PTK7: variants seen among roughly 807,000 people sequenced by gnomAD.
PTK7 encodes inactive tyrosine-protein kinase 7.
PTK7 carries 39 observed loss-of-function variants against 116.6 expected under a neutral mutation model. That is an observed-to-expected ratio of 0.33 (90% CI 0.26 to 0.44). The LOEUF (loss-of-function observed/expected upper bound fraction) is 0.44, where lower values mean the gene tolerates loss of function less well. Ranked by LOEUF, PTK7 falls within the 20% of genes least tolerant of loss-of-function variation. PTK7 has a pLI of 1.00. For synonymous variants in PTK7, 546 were observed against 563.6 expected (o/e 0.97, Z 0.44); for missense variants, 1,169 against 1,425.6 (o/e 0.82, Z 2.90).
intron 1 of PTK7, among the ~76,000 whole-genome samples, chr6:43,120,100 T>C (rs1412838015): frequency 6.6e-6 from 1 of 152,108 alleles, no homozygotes; most frequent in Non-Finnish European, 1.5e-5. Context: ...CTAAAATTGG[T>C]TTCAAGGCTA....
chr6:43,120,497 TG>T (rs1193241631), intron 1 of PTK7, among the ~76,000 whole-genome samples: 2 of 152,244 alleles, frequency 1.3e-5, no homozygotes, highest in Admixed American at 6.5e-5. Flanking sequence ...ATCAGAATGA[TG>T]CTGGATCCCT....
In PTK7 at chr6:43,145,105, G is replaced by A; in HGVS notation, c.2408-95G>A. ...GTCTCGTGCCCAGCCCAGGTGGGTG[G>A]GTCCCCACTGTGGGAGAGGCTAGGC... On this transcript the variant is annotated intron_variant, in intron 15 of 19. Coordinates refer to ENST00000230419, the MANE Select transcript of PTK7 (RefSeq NM_002821.5). The surrounding 1 kb of genome is among the most constrained non-coding windows in gnomAD (Gnocchi z 4.8). 1.7e-6 allele frequency: 2 copies of A among 1,160,174 alleles called. No homozygotes were observed. The highest frequency in any genetic ancestry group is 2.4e-5 in the East Asian group (1 of 41,894). The allele number at this position is 1,160,174 out of a possible 1,614,324, so 71.9% of individuals were successfully genotyped here.
chr6:43,122,775 T>G (rs1769039968), intron 1 of PTK7, among the ~76,000 whole-genome samples: 1 of 151,940 alleles, frequency 6.6e-6, no homozygotes, highest in South Asian at 2.1e-4. Flanking sequence ...CCCAGCTAAT[T>G]TTTGTATTTT....
chr6:43,138,752 T>G lies in PTK7; in HGVS notation c.1229-97T>G, dbSNP rs1259155825. 2.0e-6 allele frequency: 3 copies of G among 1,476,302 alleles called. No homozygotes were observed. In the East Asian group the frequency reaches 6.9e-5, roughly 34 times the overall value. The allele number at this position is 1,476,302 out of a possible 1,614,324, so 91.5% of individuals were successfully genotyped here. A position where few individuals can be genotyped will look rare whatever the true frequency, so the allele number is the denominator to read the frequency against. On this transcript the variant is annotated intron_variant, in intron 7 of 19. Coordinates refer to ENST00000230419, the MANE Select transcript of PTK7 (RefSeq NM_002821.5). Reference sequence around the variant, plus strand: ...TCTGAGGAGCATGGGGCTTCTGAACTCAGGGCCTAGAATGGTAGTAGGATT... The same window carrying G: ...TCTGAGGAGCATGGGGCTTCTGAACGCAGGGCCTAGAATGGTAGTAGGATT...
At position 43,138,949 on chromosome 6, in the gene PTK7, T is replaced by C. The variant is rs770261822; in HGVS notation, c.1329T>C (p.Val443=). ...CLTQATPKPT[V]VWYRNQMLIS... is the part of the protein sequence containing the mutation. ...CCCAGGCCACACCAAAACCTACAGTTGTCTGGTACAGAAACCAGATGCTCA... is the reference window on the plus strand; with the variant it reads ...CCCAGGCCACACCAAAACCTACAGTCGTCTGGTACAGAAACCAGATGCTCA... Residue 443 remains valine, a synonymous_variant, in exon 8 of 20, where the codon GTT becomes GTC. Coordinates refer to ENST00000230419, the MANE Select transcript of PTK7 (RefSeq NM_002821.5). 12 of 1,613,982 alleles carry C rather than the reference T, an allele frequency of 7.4e-6. No homozygotes were observed. The African/African-American group carries it at 1.5e-4, about 20-fold the overall frequency.
Position 43,142,345 on chromosome 6 carries a change from G to C in PTK7, c.2047+46G>C, listed in dbSNP as rs368638394. The C allele has an allele frequency of 5.0e-6, 8 of 1,613,126 alleles. No individual in the cohort carries two copies. In the African/African-American group the frequency reaches 1.1e-4, roughly 22 times the overall value. On this transcript the variant is annotated intron_variant, in intron 13 of 19. Coordinates refer to ENST00000230419, the MANE Select transcript of PTK7 (RefSeq NM_002821.5). ...TGCTGCACAGGAAGTGGTGGGCCCA[G>C]ACGTTTGTCACCTTGTACTCAGCCC...
At chr6:43,109,280 A>T (rs113452262) in intron 1 of PTK7, among the ~76,000 whole-genome samples, 1 of 152,084 alleles carries the variant, frequency 6.6e-6, no homozygotes, top group African/African-American at 2.4e-5. Context: ...GGCTCAAGCA[A>T]TCCTCCCACC....
At position 43,143,697 on chromosome 6, in the gene PTK7, G is replaced by A. The variant is rs1332206931; in HGVS notation, c.2251+77G>A. 5.4e-6 allele frequency: 8 copies of A among 1,475,152 alleles called. No homozygotes were observed. Among genetic ancestry groups the A allele is most frequent in the East Asian group, 4.8e-5 (2 of 41,350 alleles). 91.4% of individuals were successfully genotyped at this position (1,475,152 alleles called of 1,614,324 possible). ...CTCCCGCGGCCACGGAGGGGAGAGCGCCAGCACTCTGGAAACCGAGCGGCT... is the reference window on the plus strand; with the variant it reads ...CTCCCGCGGCCACGGAGGGGAGAGCACCAGCACTCTGGAAACCGAGCGGCT... On this transcript the variant is annotated intron_variant, in intron 14 of 19. Coordinates refer to ENST00000230419, the MANE Select transcript of PTK7 (RefSeq NM_002821.5). This position sits in a 1 kb window ranked among gnomAD's most constrained non-coding sequence, Gnocchi z 4.2.
At chr6:43,144,986 A>C in intron 15 of PTK7, 1 of 448,828 alleles carries the variant, frequency 2.2e-6, no homozygotes, top group East Asian at 3.3e-5. Flanking sequence ...CATGCGAGTC[A>C]CCCTTTGGAA....
intron 1 of PTK7, among the ~76,000 whole-genome samples, chr6:43,102,200 G>A (rs138100481): frequency 1.6e-4 from 24 of 150,730 alleles, no homozygotes; most frequent in African/African-American, 4.9e-4. Context: ...CGAGGTGGGC[G>A]GATCACCTGA....
intron 1 of PTK7, among the ~76,000 whole-genome samples, chr6:43,112,324 A>C (rs994684674): frequency 4.0e-5 from 6 of 151,822 alleles, no homozygotes; most frequent in African/African-American, 1.5e-4. Flanking sequence ...GCTGGGGTGC[A>C]GTGGCGTGAT....
rs1377783037 is a variant in PTK7 at position 43,139,038 on chromosome 6, C to A, written c.1362+56C>A. 6.2e-7 allele frequency: 1 copy of A among 1,607,546 alleles called. No individual in the cohort carries two copies. Among genetic ancestry groups the A allele is most frequent in the East Asian group, 2.2e-5 (1 of 44,764 alleles). ...GCGGGGCCTTCCCTCCACTTGCCCTCTTCTGTGCTCACCTCCATAGCACTC... is the reference window on the plus strand; with the variant it reads ...GCGGGGCCTTCCCTCCACTTGCCCTATTCTGTGCTCACCTCCATAGCACTC... On this transcript the variant is annotated intron_variant, in intron 8 of 19. Coordinates refer to ENST00000230419, the MANE Select transcript of PTK7 (RefSeq NM_002821.5). This position sits in a 1 kb window ranked among gnomAD's most constrained non-coding sequence, Gnocchi z 4.6.
Position 43,143,234 on chromosome 6 carries a change from A to G in PTK7, c.2048-183A>G. 1.6e-6 allele frequency: 1 copy of G among 607,950 alleles called. No homozygotes were observed. The highest frequency in any genetic ancestry group is 2.9e-6 in the Non-Finnish European group (1 of 347,564). The allele number at this position is 607,950 out of a possible 1,614,324, so 37.7% of individuals were successfully genotyped here. A position where few individuals can be genotyped will look rare whatever the true frequency, so the allele number is the denominator to read the frequency against. Reference sequence around the variant, plus strand: ...GAACCCCTGGCCTCATCTCCTTCAGAGTCTTCGTTTGACCTTGGTGGGGCA... The same window carrying G: ...GAACCCCTGGCCTCATCTCCTTCAGGGTCTTCGTTTGACCTTGGTGGGGCA... On this transcript the variant is annotated intron_variant, in intron 13 of 19. Transcript: ENST00000230419. This position sits in a 1 kb window ranked among gnomAD's most constrained non-coding sequence, Gnocchi z 4.2.
chr6:43,088,865 G>A (rs1027216382), intron 1 of PTK7, among the ~76,000 whole-genome samples: 13 of 152,160 alleles, frequency 8.5e-5, no homozygotes, highest in African/African-American at 2.9e-4. Context: ...GTCACAGGCA[G>A]TTGCAGGCCC....
At chr6:43,158,686 G>A (rs1771659659) in intron 17 of PTK7, 131 bp from the exon 18 acceptor site, 1 of 933,644 alleles carries the variant, frequency 1.1e-6, no homozygotes, top group African/African-American at 1.7e-5. Flanking sequence ...GAAGGAAGCT[G>A]AGGCTGTTGT....
At chr6:43,160,065 G>C in intron 19 of PTK7, 99 bp downstream of exon 19, 1 of 1,288,786 alleles carries the variant, frequency 7.8e-7, no homozygotes, top group South Asian at 1.4e-5. Context: ...TCTCAGGGCT[G>C]CTACTGAGCA....
chr6:43,155,686 T>TA (rs1188578617), intron 17 of PTK7, among the ~76,000 whole-genome samples: 1 of 151,960 alleles, frequency 6.6e-6, no homozygotes, highest in Non-Finnish European at 1.5e-5. Flanking sequence ...ACGTTTCATA[T>TA]ATAGTGTATA....
At chr6:43,136,972 C>G (rs1373343810) in intron 7 of PTK7, among the ~76,000 whole-genome samples, 8 of 152,164 alleles carry the variant, frequency 5.3e-5, no homozygotes, top group African/African-American at 1.2e-4. Context: ...TGACTGCACT[C>G]CAGCCTAGGT....
intron 17 of PTK7, among the ~76,000 whole-genome samples, chr6:43,157,387 T>TC (rs2150482146): frequency 8.7e-6 from 1 of 115,522 alleles, no homozygotes; most frequent in Non-Finnish European, 1.8e-5. Flanking sequence ...TTTTTTTTTT[T>TC]TTTTTTTTAA....
Sources: gnomAD v4.1 joint callset for allele counts (sites outside exome capture counted in the v4.1 genomes callset) on GRCh38, gnomAD v4.1.1 for gene constraint, Gnocchi (gnomAD v3.1) non-coding constraint, MANE v1.5 for transcripts, NCBI Gene and HGNC (gene_info 2026-07-23, HGNC 2026-07-21) for gene names.